Variants in GOLGA8A observed in about 807,000 individuals in gnomAD.
GOLGA8A encodes the protein golgin A8 family member A, also known as golgin subfamily A member 8A.
GOLGA8A carries 3 observed loss-of-function variants against 22.1 expected under a neutral mutation model. The ratio of observed to expected loss-of-function variants is 0.14; its 90% CI spans 0.06 to 0.35. The LOEUF (loss-of-function observed/expected upper bound fraction) is 0.35, where lower values mean the gene tolerates loss of function less well. Among genes scored for constraint, GOLGA8A ranks in the 10% least tolerant of loss-of-function variants. The pLI, the probability that GOLGA8A is intolerant of heterozygous loss-of-function variation, is 1.00. For missense variants in GOLGA8A, 16 were observed against 233.2 expected, an observed-to-expected ratio of 0.07 and a Z score of 6.07; for synonymous variants, 7 against 91.7, an observed-to-expected ratio of 0.08 and a Z score of 5.28.
At chr15:34,436,655 T>C (rs1893528781) in intron 1 of GOLGA8A, among the ~76,000 whole-genome samples, 2 of 149,850 alleles carry the variant, frequency 1.3e-5, no homozygotes, top group Admixed American at 6.7e-5. Context: ...TAGCCTGGGC[T>C]TACCAAGGCC....
chr15:34,432,688 TCA>T lies in GOLGA8A; in HGVS notation c.-1123+2693_-1123+2694del, dbSNP rs145190758. 2.5e-4 allele frequency among the ~76,000 whole-genome samples: 38 copies of T among 149,324 alleles called. 1 individual carries two copies. The highest frequency in any genetic ancestry group is 8.4e-4 in the African/African-American group (34 of 40,488). On this transcript the variant is annotated intron_variant, in intron 2 of 24. Coordinates refer to ENST00000359187, the MANE Select transcript of GOLGA8A (RefSeq NM_181077.5). ...CAGACAACTAGAGATGAAAATATTT[TCA>T]CAGTCACTCAACGCAGGTACCTCAA...
chr15:34,432,876 C>T (rs1322739964), intron 2 of GOLGA8A, among the ~76,000 whole-genome samples: 2 of 148,994 alleles, frequency 1.3e-5, no homozygotes, highest in Non-Finnish European at 3.0e-5. Context: ...CCTTAAAACT[C>T]CCAGGACAAT....
At chr15:34,399,011 T>C (rs1891970358) in intron 7 of GOLGA8A, 144 bp downstream of exon 7, 1 of 137,350 alleles carries the variant, frequency 7.3e-6, no homozygotes, top group South Asian at 2.4e-4. Context: ...TTTTACTGGG[T>C]TACCTTTTTC....
chr15:34,420,618 A>G (rs980010568), intron 2 of GOLGA8A, among the ~76,000 whole-genome samples: 43 of 132,274 alleles, frequency 3.3e-4, no homozygotes, highest in Non-Finnish European at 6.3e-4. Flanking sequence ...TTCCCCCTGC[A>G]TATGTCAAGA....
intron 2 of GOLGA8A, among the ~76,000 whole-genome samples, chr15:34,428,296 T>G (rs1369947004): frequency 6.8e-6 from 1 of 147,680 alleles, no homozygotes; most frequent in Non-Finnish European, 1.5e-5. Context: ...GGTCTCCCTG[T>G]GTTGCCCAGG....
In GOLGA8A at chr15:34,381,214, T is replaced by G. The variant is rs1223549268; in HGVS notation, c.*197A>C. On this transcript the variant is annotated 3_prime_UTR_variant, in exon 25 of 25. Coordinates refer to ENST00000359187, the MANE Select transcript of GOLGA8A (RefSeq NM_181077.5). ...AGAAAAATGCTGAAGGATGCCAGAGTGAACATCAGTGAGAGCCACAGAGAC... is the reference window on the plus strand; with the variant it reads ...AGAAAAATGCTGAAGGATGCCAGAGGGAACATCAGTGAGAGCCACAGAGAC... 1 of 951,396 alleles carries G rather than the reference T, an allele frequency of 1.1e-6. No homozygotes were observed. The highest frequency in any genetic ancestry group is 1.6e-5 in the African/African-American group (1 of 61,110). The allele number at this position is 951,396 out of a possible 1,614,324, so 58.9% of individuals were successfully genotyped here. A position where few individuals can be genotyped will look rare whatever the true frequency, so the allele number is the denominator to read the frequency against.
chr15:34,410,184 GGAA>G, intron 2 of GOLGA8A: 1 of 176,920 alleles, frequency 5.7e-6, no homozygotes, highest in Admixed American at 1.2e-4. Flanking sequence ...CCCACGACCA[GGAA>G]GAAGACGGTC....
chr15:34,431,335 A>ATCTCTC (rs1254192860), intron 2 of GOLGA8A, among the ~76,000 whole-genome samples: 4 of 69,720 alleles, frequency 5.7e-5, no homozygotes, highest in African/African-American at 1.7e-4. Context: ...ATATATATAT[A>ATCTCTC]TATATATATA....
intron 1 of GOLGA8A, 58 bp from the exon 2 acceptor site, chr15:34,435,529 G>A (rs1465067956): frequency 6.7e-6 from 1 of 148,646 alleles, no homozygotes; most frequent in Non-Finnish European, 1.5e-5. Context: ...ATGTAAACAA[G>A]TTAACCAGCA....
At chr15:34,423,518 C>G (rs1892863161) in intron 2 of GOLGA8A, among the ~76,000 whole-genome samples, 1 of 148,538 alleles carries the variant, frequency 6.7e-6, no homozygotes, top group African/African-American at 2.5e-5. Context: ...CAAAATCTAA[C>G]CTAGCAGTAG....
intron 2 of GOLGA8A, chr15:34,418,149 G>GAAAAAAA (rs1892651513): frequency 1.6e-5 from 1 of 64,478 alleles, no homozygotes; most frequent in African/African-American, 4.8e-5. Flanking sequence ...AAAAAAAAAG[G>GAAAAAAA]ATTGCTTCAT....
intron 2 of GOLGA8A, among the ~76,000 whole-genome samples, chr15:34,433,445 A>G (rs1309805015): frequency 6.7e-6 from 1 of 149,316 alleles, no homozygotes; most frequent in East Asian, 2.0e-4. Flanking sequence ...AGTGCACAGT[A>G]AGAAAGCTCA....
chr15:34,416,810 A>C, intron 2 of GOLGA8A: 1 of 60,838 alleles, frequency 1.6e-5, no homozygotes, highest in Non-Finnish European at 2.9e-5. Context: ...AAAAATAAAT[A>C]AATAAATAAA....
chr15:34,425,399 A>AC (rs1892943735), intron 2 of GOLGA8A, among the ~76,000 whole-genome samples: 2 of 145,442 alleles, frequency 1.4e-5, no homozygotes. Context: ...AAAAAAAAAA[A>AC]AACTACATCC....
chr15:34,415,985 TTC>T (rs1461348402), intron 2 of GOLGA8A: 1 of 139,458 alleles, frequency 7.2e-6, no homozygotes, highest in Non-Finnish European at 1.5e-5. Flanking sequence ...TTCATGTAGC[TTC>T]TCTTTCTCCA....
rs950656243 is a variant in GOLGA8A at position 34,429,316 on chromosome 15, C to G, written c.-1123+6067G>C. Among the ~76,000 whole-genome samples, 11 of 146,074 alleles carry G rather than the reference C, an allele frequency of 7.5e-5. 1 individual carries two copies. Among genetic ancestry groups the G allele is most frequent in the African/African-American group, 2.8e-4 (11 of 39,538 alleles). ...GCAAGGGCTCTCCAGGGCTACCAAG[C>G]CCCTAATGGTCAGGAACTGCCCCCC... is the stretch of plus-strand genomic sequence containing the variant. On this transcript the variant is annotated intron_variant, in intron 2 of 24. Coordinates refer to ENST00000359187, the MANE Select transcript of GOLGA8A (RefSeq NM_181077.5).
intron 2 of GOLGA8A, among the ~76,000 whole-genome samples, chr15:34,429,572 G>T (rs1893135739): frequency 6.7e-6 from 1 of 149,048 alleles, no homozygotes; most frequent in Non-Finnish European, 1.5e-5. Flanking sequence ...CTCTAGGAGG[G>T]CCTTGGACCC....
At position 34,428,096 on chromosome 15, in the gene GOLGA8A, CTTTT is replaced by C. The variant is rs879599948; in HGVS notation, c.-1123+7283_-1123+7286del. On this transcript the variant is annotated intron_variant, in intron 2 of 24. Coordinates refer to ENST00000359187, the MANE Select transcript of GOLGA8A (RefSeq NM_181077.5). The stretch of plus-strand genomic sequence containing the variant: ...GCTTTCTCTCCTTCAAATCAGACTT[CTTTT>C]TTTTTTTTTGAGAGAGAGAAGTTCT... Among the ~76,000 whole-genome samples, 5 of 138,666 alleles carry C rather than the reference CTTTT, an allele frequency of 3.6e-5. No individual in the cohort carries two copies. The East Asian group carries it at 8.4e-4, about 23-fold the overall frequency. 91.0% of individuals were successfully genotyped at this position (138,666 alleles called of 152,430 possible).
chr15:34,429,816 T>C (rs11634235), intron 2 of GOLGA8A, among the ~76,000 whole-genome samples: 35,096 of 145,082 alleles, frequency 0.24, 6,437 homozygotes, highest in Admixed American at 0.29. Flanking sequence ...TGCAGAGTCC[T>C]TGAGTGTCAA....
Sources: gnomAD v4.1 joint callset for allele counts (sites outside exome capture counted in the v4.1 genomes callset) on GRCh38, gnomAD v4.1.1 for gene constraint, MANE v1.5 for transcripts, NCBI Gene and HGNC (gene_info 2026-07-23, HGNC 2026-07-21) for gene names.